SEMA6D: variants seen among roughly 807,000 people sequenced by gnomAD.
SEMA6D encodes the protein semaphorin 6D, also known as semaphorin-6D.
SEMA6D carries 35 observed loss-of-function variants against 106.6 expected under a neutral mutation model. The observed-to-expected ratio is 0.33, with a 90% CI of 0.25 to 0.44. The LOEUF is 0.44. Among genes scored for constraint, SEMA6D ranks in the 20% least tolerant of loss-of-function variants. The pLI is 1.00. For synonymous variants in SEMA6D, 499 were observed against 487.7 expected (o/e 1.02, Z -0.31); for missense variants, 1,185 against 1,345.9 (o/e 0.88, Z 1.87).
At chr15:47,254,436 G>T (rs1318259440) in intron 1 of SEMA6D, among the ~76,000 whole-genome samples, 1 of 150,572 alleles carries the variant, frequency 6.6e-6, no homozygotes, top group Admixed American at 6.6e-5. Flanking sequence ...CTCTTGCCTA[G>T]TTGCTCCGGC....
At chr15:47,190,165 G>C (rs547117427) in intron 1 of SEMA6D, among the ~76,000 whole-genome samples, 1 of 152,262 alleles carries the variant, frequency 6.6e-6, no homozygotes, top group Admixed American at 6.5e-5. Context: ...TAACATTTGG[G>C]CAGAGAATTT....
At chr15:47,670,578 T>C (rs2078118086) in intron 4 of SEMA6D, among the ~76,000 whole-genome samples, 1 of 152,210 alleles carries the variant, frequency 6.6e-6, no homozygotes, top group African/African-American at 2.4e-5. Flanking sequence ...TGAAGCTTAG[T>C]AGGTTTTCTG....
intron 1 of SEMA6D, among the ~76,000 whole-genome samples, chr15:47,742,889 C>G (rs973520533): frequency 6.6e-6 from 1 of 152,184 alleles, no homozygotes; most frequent in African/African-American, 2.4e-5. Flanking sequence ...CTGCAGGTCT[C>G]TATAGTGAGA....
chr15:47,680,132 A>G (rs549707292), intron 4 of SEMA6D, among the ~76,000 whole-genome samples: 1 of 152,162 alleles, frequency 6.6e-6, no homozygotes, highest in Non-Finnish European at 1.5e-5. Context: ...AAGATTAGGG[A>G]AACCAGTTTA....
chr15:47,561,237 A>C (rs757642650), intron 3 of SEMA6D, among the ~76,000 whole-genome samples: 48 of 152,082 alleles, frequency 3.2e-4, no homozygotes, highest in Non-Finnish European at 1.3e-4. Context: ...TCTTGAAAGC[A>C]GCAAAAGAAA....
intron 1 of SEMA6D, among the ~76,000 whole-genome samples, chr15:47,315,916 G>A (rs753164249): frequency 6.6e-6 from 1 of 151,288 alleles, no homozygotes; most frequent in Admixed American, 6.6e-5. Context: ...GAGAATAATC[G>A]ACTTTTGTAT....
chr15:47,647,771 A>G (rs530335432), intron 4 of SEMA6D, among the ~76,000 whole-genome samples: 5 of 152,162 alleles, frequency 3.3e-5, no homozygotes, highest in African/African-American at 1.2e-4. Context: ...CAAATTATTC[A>G]ATGAATCCAA....
intron 1 of SEMA6D, among the ~76,000 whole-genome samples, chr15:47,257,982 A>C (rs1031574225): frequency 6.6e-6 from 1 of 152,130 alleles, no homozygotes; most frequent in Non-Finnish European, 1.5e-5. Flanking sequence ...TTGATTAATC[A>C]TTTTATCATT....
chr15:47,492,984 GA>G (rs749655218), intron 3 of SEMA6D, among the ~76,000 whole-genome samples: 6 of 151,792 alleles, frequency 4.0e-5, no homozygotes, highest in Admixed American at 2.6e-4. Context: ...GGAGAAACAA[GA>G]AAAAAAACTA....
At chr15:47,269,053 C>T (rs952430020) in intron 1 of SEMA6D, among the ~76,000 whole-genome samples, 2 of 152,134 alleles carry the variant, frequency 1.3e-5, no homozygotes, top group Non-Finnish European at 2.9e-5. Flanking sequence ...AAGCTCTAGA[C>T]TCTAGTCAGA....
intron 4 of SEMA6D, among the ~76,000 whole-genome samples, chr15:47,658,508 A>G (rs989134720): frequency 1.3e-5 from 2 of 152,214 alleles, no homozygotes; most frequent in Non-Finnish European, 2.9e-5. Context: ...AAGAAGTGAT[A>G]TAAGACCCCT....
chr15:47,223,388 A>G (rs2031382034), intron 1 of SEMA6D, among the ~76,000 whole-genome samples: 1 of 152,072 alleles, frequency 6.6e-6, no homozygotes, highest in Non-Finnish European at 1.5e-5. Flanking sequence ...AGAGATTTGT[A>G]GTGTCTTGTT....
intron 3 of SEMA6D, among the ~76,000 whole-genome samples, chr15:47,510,084 C>G (rs1194990754): frequency 6.6e-6 from 1 of 152,106 alleles, no homozygotes; most frequent in Non-Finnish European, 1.5e-5. Flanking sequence ...CAAGAGTCTC[C>G]AACCCCTGGG....
chr15:47,551,888 C>T (rs541621353), intron 3 of SEMA6D, among the ~76,000 whole-genome samples: 4 of 152,162 alleles, frequency 2.6e-5, no homozygotes, highest in African/African-American at 9.6e-5. Flanking sequence ...TATGGATGAA[C>T]TTATATATTG....
intron 1 of SEMA6D, among the ~76,000 whole-genome samples, chr15:47,391,859 C>T (rs186112030): frequency 1.8e-4 from 27 of 152,050 alleles, no homozygotes; most frequent in African/African-American, 6.5e-4. Flanking sequence ...TTGGAACCAC[C>T]AGCTATTCAT....
chr15:47,744,481 G>A (rs2081005044), intron 1 of SEMA6D, among the ~76,000 whole-genome samples: 1 of 152,260 alleles, frequency 6.6e-6, no homozygotes, highest in South Asian at 2.1e-4. Context: ...TGATCTGCTA[G>A]CCTGTGGGAC....
At chr15:47,277,917 C>T (rs1336952345) in intron 1 of SEMA6D, among the ~76,000 whole-genome samples, 6 of 151,614 alleles carry the variant, frequency 4.0e-5, no homozygotes, top group African/African-American at 7.3e-5. Flanking sequence ...CCAATTTCAT[C>T]CATGTCCCTA....
rs544963535 is a variant in SEMA6D, at chr15:47,335,749, A to G, written c.-238-76644A>G. Among the ~76,000 whole-genome samples the G allele has an allele frequency of 1.3e-4, 20 of 152,268 alleles. No homozygotes were observed. The East Asian group carries it at 3.9e-3, about 29-fold the overall frequency. On this transcript the variant is annotated intron_variant, in intron 1 of 19. Coordinates refer to the SEMA6D transcript ENST00000558014. ...GTAAAGGGATTAAAAATAAAATAGG[A>G]AGAGAAAAAGGGGAGAGTCATAGGA... is the stretch of plus-strand genomic sequence containing the variant.
intron 3 of SEMA6D, among the ~76,000 whole-genome samples, chr15:47,471,449 T>C (rs543985196): frequency 2.0e-5 from 3 of 152,352 alleles, no homozygotes; most frequent in South Asian, 4.1e-4. Flanking sequence ...AATCAAGTTA[T>C]GATATACACC....
Sources: gnomAD v4.1 joint callset for allele counts (sites outside exome capture counted in the v4.1 genomes callset) on GRCh38, gnomAD v4.1.1 for gene constraint, MANE v1.5 for transcripts, NCBI Gene and HGNC (gene_info 2026-07-23, HGNC 2026-07-21) for gene names.